The following TRPC3 variants were observed in gnomAD, a reference collection of about 807,000 sequenced individuals.
The protein encoded by TRPC3 is short transient receptor potential channel 3.
TRPC3 carries 54 observed loss-of-function variants against 90.9 expected under a neutral mutation model. That is an observed-to-expected ratio of 0.59 (90% CI 0.48 to 0.75). The LOEUF (loss-of-function observed/expected upper bound fraction) is 0.75. Ranked by LOEUF, TRPC3 falls within the 30% of genes least tolerant of loss-of-function variation. The pLI, the probability that TRPC3 is intolerant of heterozygous loss-of-function variation, is 0.00. For synonymous variants in TRPC3, 424 were observed against 450.9 expected (o/e 0.94, Z 0.75); for missense variants, 918 against 1,194.5 (o/e 0.77, Z 3.41).
chr4:121,904,209 A>C (rs3762839), intron 8 of TRPC3, 113 bp downstream of exon 8: 126,597 of 882,384 alleles, frequency 0.14, 10,313 homozygotes, highest in African/African-American at 0.29. Context: ...CTCTGTGTGG[A>C]TATAAGCCTC....
rs1017726952 is a variant in TRPC3, at chr4:121,875,229, A to G, written c.*4507T>C. On this transcript the variant is annotated 3_prime_UTR_variant, in exon 12 of 12. Coordinates refer to ENST00000379645, the MANE Select transcript of TRPC3 (RefSeq NM_001130698.2). The stretch of plus-strand genomic sequence containing the variant: ...CAATTAATTGTGTAGAAGGAAAGTA[A>G]AAGTTTATTTTGAAGCTCAAATTTA... 1.3e-5 allele frequency among the ~76,000 whole-genome samples: 2 copies of G among 152,168 alleles called. No homozygotes were observed. The highest frequency in any genetic ancestry group is 4.8e-5 in the African/African-American group (2 of 41,460).
rs780010346 is a variant in TRPC3, at chr4:121,932,458, C to A, written c.800G>T (p.Cys267Phe). Residue 267 changes from cysteine (C) to phenylalanine (F), a missense_variant, in exon 2 of 12, where the codon TGC (cysteine) becomes TTC (phenylalanine). Cys to Phe is a radical substitution (Grantham distance 205). Around this residue, in one of 4 missense-constraint regions of TRPC3, gnomAD observed 609 missense variants for 725.9 expected, o/e 0.84. Coordinates refer to ENST00000379645, the MANE Select transcript of TRPC3 (RefSeq NM_001130698.2). The surrounding 1 kb of genome is among the most constrained non-coding windows in gnomAD (Gnocchi z 7.7). Reference sequence around the variant, plus strand: ...CTTCTCCATGCAGTCCCCGCACTTGCAGAAATAGTCGTGCGGCCGCTCGAT... The same window carrying A: ...CTTCTCCATGCAGTCCCCGCACTTGAAGAAATAGTCGTGCGGCCGCTCGAT... ...ARIERPHDYF[C>F]KCGDCMEKQR... The A allele has an allele frequency of 6.2e-7, 1 of 1,614,222 alleles. No homozygotes were observed. Among genetic ancestry groups the A allele is most frequent in the Non-Finnish European group, 8.5e-7 (1 of 1,180,042 alleles).
chr4:121,888,946 T>C (rs1383021128), intron 10 of TRPC3, among the ~76,000 whole-genome samples: 1 of 152,154 alleles, frequency 6.6e-6, no homozygotes, highest in Non-Finnish European at 1.5e-5. Flanking sequence ...CCTTGTCCCT[T>C]TTCTGCCATA....
intron 7 of TRPC3, among the ~76,000 whole-genome samples, chr4:121,907,050 C>T (rs1728905569): frequency 6.6e-6 from 1 of 151,994 alleles, no homozygotes; most frequent in African/African-American, 2.4e-5. Context: ...AATCTGTTAT[C>T]CTGTTTTCTT....
At chr4:121,921,438 C>T (rs1308109406) in intron 3 of TRPC3, among the ~76,000 whole-genome samples, 3 of 141,400 alleles carry the variant, frequency 2.1e-5, no homozygotes, top group East Asian at 2.2e-4. Flanking sequence ...AGGAGAATGG[C>T]GTGAACCCGG....
intron 10 of TRPC3, among the ~76,000 whole-genome samples, chr4:121,897,966 A>G (rs1215202334): frequency 6.6e-6 from 1 of 152,148 alleles, no homozygotes; most frequent in African/African-American, 2.4e-5. Context: ...AATGCAATTC[A>G]GCTATAAAAA....
chr4:121,943,721 T>TTA (rs901833834), intron 1 of TRPC3, among the ~76,000 whole-genome samples: 5 of 151,564 alleles, frequency 3.3e-5, no homozygotes, highest in Non-Finnish European at 2.9e-5. Flanking sequence ...TCACTATCAA[T>TTA]TATATATATA....
intron 3 of TRPC3, among the ~76,000 whole-genome samples, chr4:121,922,640 G>C (rs1303029795): frequency 7.1e-6 from 1 of 141,170 alleles, no homozygotes; most frequent in Non-Finnish European, 1.6e-5. Flanking sequence ...AGGTGTCTCT[G>C]CTCATATAAC....
chr4:121,923,782 C>T (rs1460217236), intron 3 of TRPC3, among the ~76,000 whole-genome samples: 1 of 152,206 alleles, frequency 6.6e-6, no homozygotes, highest in African/African-American at 2.4e-5. Context: ...TGCCTGTCCT[C>T]TTAAGCACCA....
Position 121,928,846 on chromosome 4 carries a change from C to T in TRPC3, c.987+3425G>A, listed in dbSNP as rs182245260. Among the ~76,000 whole-genome samples the T allele has an allele frequency of 4.9e-4, 74 of 152,226 alleles. 1 individual carries two copies. The highest frequency in any genetic ancestry group is 1.7e-3 in the African/African-American group (72 of 41,542). The stretch of plus-strand genomic sequence containing the variant: ...TCCTTTTTTATCCTGAAGTGGAAAA[C>T]TGAAATTCAACTCTTAACAGGCTTG... On this transcript the variant is annotated intron_variant, in intron 2 of 11. Transcript: ENST00000379645.
intron 6 of TRPC3, among the ~76,000 whole-genome samples, chr4:121,908,102 C>T (rs116788080): frequency 0.015 from 2,318 of 152,090 alleles, 34 homozygotes; most frequent in Middle Eastern, 0.058. Flanking sequence ...AACTTGTCCC[C>T]GAAAAATGTA....
At position 121,897,953 on chromosome 4, in the gene TRPC3, C is replaced by T. The variant is rs759863085; in HGVS notation, c.2547+1659G>A. 3.3e-5 allele frequency among the ~76,000 whole-genome samples: 5 copies of T among 152,010 alleles called. No individual in the cohort carries two copies. The South Asian group carries it at 6.2e-4, about 19-fold the overall frequency. ...TAAAAAATGTAGTATATATACACAA[C>T]GGAATGCAATTCAGCTATAAAAAAG... On this transcript the variant is annotated intron_variant, in intron 10 of 11. Coordinates refer to ENST00000379645, the MANE Select transcript of TRPC3 (RefSeq NM_001130698.2).
At chr4:121,938,775 C>T (rs1038919094) in intron 1 of TRPC3, among the ~76,000 whole-genome samples, 9 of 152,150 alleles carry the variant, frequency 5.9e-5, no homozygotes, top group African/African-American at 1.9e-4. Context: ...TGATTCTCCT[C>T]TTTACACATG....
At chr4:121,917,285 T>C (rs1729351700) in intron 3 of TRPC3, among the ~76,000 whole-genome samples, 1 of 152,200 alleles carries the variant, frequency 6.6e-6, no homozygotes, top group African/African-American at 2.4e-5. Context: ...ATATCAAAGT[T>C]GAAGGCTTCC....
rs112492647 is a variant in TRPC3 at position 121,895,296 on chromosome 4, G to T, written c.2547+4316C>A. On this transcript the variant is annotated intron_variant, in intron 10 of 11. Transcript: ENST00000379645. The stretch of plus-strand genomic sequence containing the variant: ...TGCTTGAAAAAAGCATGCAAGAAAA[G>T]CATGAACAAATCAAACCCCAAATTG... Among the ~76,000 whole-genome samples the T allele has an allele frequency of 5.7e-3, 858 of 151,658 alleles. 11 individuals are homozygous for T. Among genetic ancestry groups the T allele is most frequent in the African/African-American group, 0.02 (820 of 41,398 alleles).
intron 1 of TRPC3, among the ~76,000 whole-genome samples, chr4:121,943,096 A>G (rs1730373196): frequency 6.6e-6 from 1 of 152,190 alleles, no homozygotes; most frequent in African/African-American, 2.4e-5. Flanking sequence ...GGCTTTTAGT[A>G]TATGGTGATG....
intron 2 of TRPC3, among the ~76,000 whole-genome samples, chr4:121,929,619 T>A (rs952086272): frequency 1.3e-5 from 2 of 152,178 alleles, no homozygotes; most frequent in African/African-American, 4.8e-5. Flanking sequence ...CTCCATTAAT[T>A]TATCTAAATC....
At chr4:121,940,298 G>T (rs1730263593) in intron 1 of TRPC3, among the ~76,000 whole-genome samples, 1 of 152,210 alleles carries the variant, frequency 6.6e-6, no homozygotes, top group Non-Finnish European at 1.5e-5. Context: ...CTATTCACTT[G>T]TTGAGTGTCT....
At chr4:121,914,208 C>A (rs1729215929) in intron 4 of TRPC3, among the ~76,000 whole-genome samples, 1 of 152,124 alleles carries the variant, frequency 6.6e-6, no homozygotes, top group African/African-American at 2.4e-5. Context: ...AATCTAAAAC[C>A]CCTGAACCTA....
Sources: allele counts gnomAD v4.1 joint callset (sites outside exome capture counted in the v4.1 genomes callset), GRCh38; gene constraint gnomAD v4.1.1; regional missense constraint gnomAD v4.1.1; non-coding constraint Gnocchi (gnomAD v3.1); transcripts MANE v1.5; gene names NCBI Gene and HGNC (gene_info 2026-07-23, HGNC 2026-07-21).